The following MAD1L1 variants were observed in gnomAD, a reference collection of about 807,000 sequenced individuals.
The protein encoded by MAD1L1 is mitotic spindle assembly checkpoint protein MAD1.
MAD1L1 carries 95 observed loss-of-function variants against 96.9 expected under a neutral mutation model. That is an observed-to-expected ratio of 0.98 (90% CI 0.83 to 1.16). MAD1L1 has a LOEUF of 1.16. Among genes scored for constraint, MAD1L1 ranks in the 50% most tolerant of loss-of-function variants. The pLI, the probability that MAD1L1 is intolerant of heterozygous loss-of-function variation, is 0.00. For synonymous variants in MAD1L1, 473 were observed against 396.6 expected (o/e 1.19, Z -2.29); for missense variants, 1,007 against 954.4 (o/e 1.06, Z -0.73).
chr7:2,075,990 G>A lies in MAD1L1; in HGVS notation c.1074-6652C>T, dbSNP rs568694378. On this transcript the variant is annotated intron_variant, in intron 11 of 18. Transcript: ENST00000265854. ...CAGGAGCCCACGGCGTGGCCACCGCGGGAGACAGGCTCTGAGAGAGGCCAG... is the reference window on the plus strand; with the variant it reads ...CAGGAGCCCACGGCGTGGCCACCGCAGGAGACAGGCTCTGAGAGAGGCCAG... Among the ~76,000 whole-genome samples, 11 of 152,340 alleles carry A rather than the reference G, an allele frequency of 7.2e-5. No individual in the cohort carries two copies. The East Asian group carries it at 9.7e-4, about 13-fold the overall frequency.
chr7:2,001,989 T>G, intron 14 of MAD1L1, 76 bp downstream of exon 14: 1 of 1,507,834 alleles, frequency 6.6e-7, no homozygotes, highest in South Asian at 1.1e-5. Context: ...GCCTAAAGGC[T>G]TATGGGGACA....
chr7:2,058,748 A>G (rs1784495701), intron 12 of MAD1L1, among the ~76,000 whole-genome samples: 2 of 106,436 alleles, frequency 1.9e-5, no homozygotes, highest in Non-Finnish European at 2.0e-5. Context: ...GTGTGGCTAG[A>G]GGAGAGAAGC....
chr7:2,121,139 C>G (rs144431702), intron 11 of MAD1L1, among the ~76,000 whole-genome samples: 153 of 152,382 alleles, frequency 1.0e-3, no homozygotes, highest in African/African-American at 3.2e-3. Context: ...TTCACCAGGA[C>G]GAGCTGGACC....
At chr7:1,864,356 G>C (rs990297668) in intron 18 of MAD1L1, among the ~76,000 whole-genome samples, 1 of 152,200 alleles carries the variant, frequency 6.6e-6, no homozygotes, top group African/African-American at 2.4e-5. Context: ...GACGGGACTC[G>C]GGGGAACTTG....
chr7:2,163,396 CAG>C (rs1246702285), intron 10 of MAD1L1, among the ~76,000 whole-genome samples: 9 of 152,222 alleles, frequency 5.9e-5, no homozygotes, highest in African/African-American at 1.7e-4. Flanking sequence ...TTTTTTGAGA[CAG>C]AGTCTCACTC....
chr7:2,108,492 GC>G (rs1787208833), intron 11 of MAD1L1, among the ~76,000 whole-genome samples: 1 of 152,140 alleles, frequency 6.6e-6, no homozygotes, highest in African/African-American at 2.4e-5. Flanking sequence ...TGTTTTACTT[GC>G]TATAGGGCAT....
intron 11 of MAD1L1, among the ~76,000 whole-genome samples, chr7:2,099,263 G>A (rs1160720183): frequency 6.6e-6 from 1 of 152,188 alleles, no homozygotes; most frequent in African/African-American, 2.4e-5. Flanking sequence ...CCACAGCCCC[G>A]CCTGCCCTGT....
At chr7:2,184,074 C>T (rs955435418) in intron 10 of MAD1L1, among the ~76,000 whole-genome samples, 19 of 151,816 alleles carry the variant, frequency 1.3e-4, no homozygotes, top group African/African-American at 4.6e-4. Flanking sequence ...CACAGTGAAA[C>T]CCCATCTCTA....
intron 12 of MAD1L1, among the ~76,000 whole-genome samples, chr7:2,044,422 G>A (rs150984558): frequency 0.012 from 1,875 of 152,320 alleles, 28 homozygotes; most frequent in African/African-American, 0.042. Context: ...AGGCCAAAGA[G>A]AAGCTGCCCG....
intron 10 of MAD1L1, among the ~76,000 whole-genome samples, chr7:2,211,660 G>A (rs780051348): frequency 4.6e-5 from 7 of 152,214 alleles, no homozygotes; most frequent in Admixed American, 1.3e-4. Context: ...CGCTGAGGCC[G>A]GCCCTACAGA....
intron 11 of MAD1L1, among the ~76,000 whole-genome samples, chr7:2,078,239 T>C (rs2128536398): frequency 6.6e-6 from 1 of 152,300 alleles, no homozygotes; most frequent in South Asian, 2.1e-4. Flanking sequence ...CCTACAGGGT[T>C]GAGAGGGTCC....
chr7:1,947,761 C>T (rs572803631), intron 16 of MAD1L1, among the ~76,000 whole-genome samples: 2 of 152,374 alleles, frequency 1.3e-5, no homozygotes, highest in African/African-American at 4.8e-5. Flanking sequence ...GAGGGTCACA[C>T]CTCCCAGCCC....
intron 12 of MAD1L1, among the ~76,000 whole-genome samples, chr7:2,051,641 C>T (rs1217507550): frequency 6.9e-6 from 1 of 144,610 alleles, no homozygotes; most frequent in Non-Finnish European, 1.5e-5. Context: ...CCACCTCCCC[C>T]ACCCCCCCAC....
rs1373020547 is a variant in MAD1L1, at chr7:1,815,980, G to A, written c.*90C>T. The A allele has an allele frequency of 1.0e-5, 14 of 1,405,598 alleles. No individual in the cohort carries two copies. The highest frequency in any genetic ancestry group is 1.3e-5 in the Non-Finnish European group (14 of 1,046,990). The allele number at this position is 1,405,598 out of a possible 1,614,324, so 87.1% of individuals were successfully genotyped here. ...GCTGCCCTGTGGGGCTGGAGAGGCA[G>A]GACGTGCACCCAGCCTGTGGCTGGC... On this transcript the variant is annotated 3_prime_UTR_variant, in exon 19 of 19. Coordinates refer to ENST00000265854, the MANE Select transcript of MAD1L1 (RefSeq NM_001013836.2).
At chr7:2,001,334 C>T (rs1319744790) in intron 14 of MAD1L1, among the ~76,000 whole-genome samples, 1 of 152,260 alleles carries the variant, frequency 6.6e-6, no homozygotes, top group African/African-American at 2.4e-5. Flanking sequence ...CAGACATGGC[C>T]AAGGCCAGGG....
intron 15 of MAD1L1, among the ~76,000 whole-genome samples, chr7:1,960,159 C>CT (rs1779894177): frequency 6.7e-6 from 1 of 149,548 alleles, no homozygotes; most frequent in Non-Finnish European, 1.5e-5. Flanking sequence ...ACAGCAAGCC[C>CT]TAAAATAACA....
chr7:1,960,414 C>T (rs969683502), intron 15 of MAD1L1, among the ~76,000 whole-genome samples: 1 of 152,086 alleles, frequency 6.6e-6, no homozygotes, highest in African/African-American at 2.4e-5. Flanking sequence ...AACACCCAAT[C>T]AGACACCGCT....
At position 2,114,195 on chromosome 7, in the gene MAD1L1, T is replaced by C. The variant is rs1470041375; in HGVS notation, c.1073+34957A>G. 2.0e-5 allele frequency among the ~76,000 whole-genome samples: 3 copies of C among 152,134 alleles called. No individual in the cohort carries two copies. Among genetic ancestry groups the C allele is most frequent in the Non-Finnish European group, 4.4e-5 (3 of 68,016 alleles). ...CTGTCAGTGTAACATTATGTCAAAATGAAAAGTTCCCAGAAGAACATGCCA... is the reference window on the plus strand; with the variant it reads ...CTGTCAGTGTAACATTATGTCAAAACGAAAAGTTCCCAGAAGAACATGCCA... On this transcript the variant is annotated intron_variant, in intron 11 of 18. Coordinates refer to ENST00000265854, the MANE Select transcript of MAD1L1 (RefSeq NM_001013836.2). This position sits in a 1 kb window ranked among gnomAD's most constrained non-coding sequence, Gnocchi z 4.2.
At chr7:1,900,503 G>A (rs1426250016) in intron 17 of MAD1L1, among the ~76,000 whole-genome samples, 3 of 152,200 alleles carry the variant, frequency 2.0e-5, no homozygotes, top group Non-Finnish European at 4.4e-5. Flanking sequence ...CCTCCAGCAG[G>A]ACGAGGCTGG....
Sources: allele counts gnomAD v4.1 joint callset (sites outside exome capture counted in the v4.1 genomes callset), GRCh38; gene constraint gnomAD v4.1.1; non-coding constraint Gnocchi (gnomAD v3.1); transcripts MANE v1.5; gene names NCBI Gene and HGNC (gene_info 2026-07-23, HGNC 2026-07-21).